TMCO4: variants seen among roughly 807,000 people sequenced by gnomAD.
TMCO4 encodes the protein transmembrane and coiled-coil domains 4.
TMCO4 carries 58 observed loss-of-function variants against 64.7 expected under a neutral mutation model. The observed-to-expected ratio is 0.90, with a 90% CI of 0.73 to 1.12. The LOEUF (loss-of-function observed/expected upper bound fraction) is 1.12. Ranked by LOEUF, TMCO4 falls within the 50% of genes most tolerant of loss-of-function variation. TMCO4 has a pLI of 0.00. For synonymous variants in TMCO4, 325 were observed against 346.1 expected (o/e 0.94, Z 0.68); for missense variants, 780 against 825.9 (o/e 0.94, Z 0.68).
intron 4 of TMCO4, among the ~76,000 whole-genome samples, chr1:19,778,402 T>C (rs1273729219): frequency 3.9e-5 from 6 of 152,066 alleles, no homozygotes; most frequent in Non-Finnish European, 5.9e-5. Flanking sequence ...GCCTCCTGAG[T>C]GGCTGGGACC....
At chr1:19,742,034 G>A (rs1281961552) in intron 10 of TMCO4, among the ~76,000 whole-genome samples, 1 of 151,918 alleles carries the variant, frequency 6.6e-6, no homozygotes. Context: ...CACTGCGCCC[G>A]GCGAAAGTGA....
intron 14 of TMCO4, among the ~76,000 whole-genome samples, chr1:19,696,077 G>C (rs2095234761): frequency 6.6e-6 from 1 of 152,106 alleles, no homozygotes; most frequent in Non-Finnish European, 1.5e-5. Context: ...CACCTACCTT[G>C]AGCCACTGGA....
At chr1:19,748,820 T>A (rs2041903137) in intron 7 of TMCO4, among the ~76,000 whole-genome samples, 1 of 136,572 alleles carries the variant, frequency 7.3e-6, no homozygotes. Context: ...TGAGACCCTG[T>A]CTCGAATGAA....
Position 19,737,434 on chromosome 1 carries a change from A to G in TMCO4, c.1202T>C (p.Ile401Thr). ...RQQGRRPVTLIGFSLGARVIY... is the reference protein window; with the variant it reads ...RQQGRRPVTLTGFSLGARVIY... ...GACTCTGGCTCCCAGGCTGAAGCCA[A>G]TCAAGGTGACAGGTCGTCGCCCCTG... Residue 401 changes from isoleucine to threonine, a missense_variant, in exon 13 of 16, where the codon ATT becomes ACT. Coordinates refer to ENST00000294543, the MANE Select transcript of TMCO4 (RefSeq NM_181719.7). 1 of 1,614,038 alleles carries G rather than the reference A, an allele frequency of 6.2e-7. No homozygotes were observed. Among genetic ancestry groups the G allele is most frequent in the East Asian group, 2.2e-5 (1 of 44,876 alleles).
chr1:19,792,765 A>ATT (rs71579823), intron 2 of TMCO4, among the ~76,000 whole-genome samples: 45,742 of 89,430 alleles, frequency 0.51, 13,674 homozygotes, highest in Non-Finnish European at 0.61. Context: ...GTCAAGGTCA[A>ATT]TTTTTTTTTT....
At chr1:19,785,012 C>A (rs889827848) in intron 3 of TMCO4, among the ~76,000 whole-genome samples, 3 of 152,192 alleles carry the variant, frequency 2.0e-5, no homozygotes, top group African/African-American at 7.2e-5. Flanking sequence ...TTGCTGCCTG[C>A]CACTGAACTC....
intron 2 of TMCO4, among the ~76,000 whole-genome samples, chr1:19,793,855 C>T (rs940084981): frequency 4.6e-5 from 7 of 152,150 alleles, no homozygotes; most frequent in Non-Finnish European, 7.3e-5. Context: ...TACTGGGTCA[C>T]GCCTCTCCAC....
At chr1:19,709,294 G>C (rs1321891726) in intron 13 of TMCO4, among the ~76,000 whole-genome samples, 2 of 152,042 alleles carry the variant, frequency 1.3e-5, no homozygotes, top group Non-Finnish European at 2.9e-5. Flanking sequence ...GGCGGGGGGG[G>C]GGGACCCTAA....
intron 7 of TMCO4, among the ~76,000 whole-genome samples, chr1:19,752,903 C>G (rs1172650447): frequency 1.3e-5 from 2 of 151,626 alleles, no homozygotes; most frequent in South Asian, 4.2e-4. Flanking sequence ...CAGGAAAAAT[C>G]TGATGCTGGC....
At chr1:19,688,470 C>A (rs2095167195) in intron 15 of TMCO4, among the ~76,000 whole-genome samples, 1 of 152,180 alleles carries the variant, frequency 6.6e-6, no homozygotes, top group African/African-American at 2.4e-5. Flanking sequence ...CCTTTGGGTT[C>A]TTTCACTTCT....
rs762088735 is a variant in TMCO4 at position 19,700,859 on chromosome 1, TGAC to T, written c.1288_1290del (p.Val430del). On this transcript the variant is annotated inframe_deletion, in exon 14 of 16. Transcript: ENST00000294543. ...CCCTCCACAGGCGCACCCAGCAGGA[TGAC>T]GTCCTCGATGATTCCTTGGCAATCT... 1.9e-6 allele frequency: 3 copies of T among 1,614,230 alleles called. No individual in the cohort carries two copies. The South Asian group carries it at 3.3e-5, about 18-fold the overall frequency.
chr1:19,702,215 T>C (rs1418324678), intron 13 of TMCO4, among the ~76,000 whole-genome samples: 4 of 144,582 alleles, frequency 2.8e-5, no homozygotes, highest in Non-Finnish European at 6.0e-5. Context: ...GTGATCCGCC[T>C]GCCTCAGCCT....
intron 15 of TMCO4, among the ~76,000 whole-genome samples, chr1:19,690,965 G>GT (rs1557452219): frequency 2.0e-5 from 3 of 151,288 alleles, no homozygotes; most frequent in East Asian, 1.9e-4. Context: ...ACCTCCTGGG[G>GT]TCATGCCATT....
At chr1:19,796,223 G>C (rs1026948446) in intron 2 of TMCO4, among the ~76,000 whole-genome samples, 1 of 152,166 alleles carries the variant, frequency 6.6e-6, no homozygotes, top group African/African-American at 2.4e-5. Context: ...CACACAGCTG[G>C]CAAGTCCTAG....
chr1:19,742,185 G>A (rs1220015181), intron 10 of TMCO4, among the ~76,000 whole-genome samples: 3 of 151,996 alleles, frequency 2.0e-5, no homozygotes, highest in Non-Finnish European at 4.4e-5. Flanking sequence ...AAGCCTTCCC[G>A]GCTCCTCTGA....
intron 13 of TMCO4, among the ~76,000 whole-genome samples, chr1:19,705,730 AG>A (rs2095299628): frequency 1.3e-5 from 2 of 151,664 alleles, no homozygotes; most frequent in Admixed American, 1.3e-4. Context: ...ATGGTGTAGG[AG>A]GGGAAACCTA....
At chr1:19,770,682 T>C (rs2042940877) in intron 5 of TMCO4, 113 bp from the exon 6 acceptor site, 1 of 1,064,164 alleles carries the variant, frequency 9.4e-7, no homozygotes, top group Admixed American at 2.4e-5. Flanking sequence ...AAAAAGCCAC[T>C]GCCCTAGATT....
At chr1:19,746,938 A>C (rs990967125) in intron 8 of TMCO4, among the ~76,000 whole-genome samples, 2 of 150,748 alleles carry the variant, frequency 1.3e-5, no homozygotes, top group African/African-American at 4.9e-5. Context: ...AAAAAAAAAA[A>C]AAAAAAACGT....
At chr1:19,769,524 G>C (rs1258088488) in intron 6 of TMCO4, among the ~76,000 whole-genome samples, 1 of 152,150 alleles carries the variant, frequency 6.6e-6, no homozygotes, top group African/African-American at 2.4e-5. Context: ...TTCCAGTGGG[G>C]AGCCAGGCAA....
Sources: allele counts gnomAD v4.1 joint callset (sites outside exome capture counted in the v4.1 genomes callset), GRCh38; gene constraint gnomAD v4.1.1; transcripts MANE v1.5; gene names NCBI Gene and HGNC (gene_info 2026-07-23, HGNC 2026-07-21).